The following KCNIP4 variants were observed in gnomAD, a reference collection of about 807,000 sequenced individuals.
KCNIP4 encodes potassium voltage-gated channel interacting protein 4.
KCNIP4 carries 12 observed loss-of-function variants against 34.0 expected under a neutral mutation model. The ratio of observed to expected loss-of-function variants is 0.35; its 90% confidence interval spans 0.23 to 0.57. The LOEUF (loss-of-function observed/expected upper bound fraction) is 0.57, where lower values mean the gene tolerates loss of function less well. Ranked by LOEUF, KCNIP4 falls within the 20% of genes least tolerant of loss-of-function variation. KCNIP4 has a pLI of 0.83. For missense variants in KCNIP4, 238 were observed against 311.7 expected (o/e 0.76, Z 1.78); for synonymous variants, 124 against 102.2 (o/e 1.21, Z -1.29).
At chr4:21,044,079 A>G (rs1742205306) in intron 1 of KCNIP4, among the ~76,000 whole-genome samples, 1 of 152,004 alleles carries the variant, frequency 6.6e-6, no homozygotes, top group Admixed American at 6.5e-5. Flanking sequence ...ACATTTTAGG[A>G]TTGGCCCCAC....
At chr4:21,065,433 A>T (rs1338934592) in intron 1 of KCNIP4, among the ~76,000 whole-genome samples, 2 of 152,000 alleles carry the variant, frequency 1.3e-5, no homozygotes, top group Non-Finnish European at 2.9e-5. Flanking sequence ...CTACTCCTAC[A>T]ATTGGTTTGA....
At chr4:20,945,832 T>G (rs1404813696) in intron 1 of KCNIP4, among the ~76,000 whole-genome samples, 1 of 152,202 alleles carries the variant, frequency 6.6e-6, no homozygotes, top group Non-Finnish European at 1.5e-5. Flanking sequence ...ATGTTCGATT[T>G]GGGGACATGA....
intron 1 of KCNIP4, among the ~76,000 whole-genome samples, chr4:20,953,018 A>G (rs757319901): frequency 6.6e-6 from 1 of 152,204 alleles, no homozygotes; most frequent in Non-Finnish European, 1.5e-5. Context: ...CTCATGACTT[A>G]GTCACTTCCC....
chr4:21,484,369 G>C (rs1731725183), intron 1 of KCNIP4, among the ~76,000 whole-genome samples: 1 of 152,070 alleles, frequency 6.6e-6, no homozygotes, highest in Non-Finnish European at 1.5e-5. Context: ...GGAGGTTGCA[G>C]TGAGGCGAGA....
chr4:21,016,240 T>C (rs1253378361), intron 1 of KCNIP4, among the ~76,000 whole-genome samples: 1 of 151,270 alleles, frequency 6.6e-6, no homozygotes, highest in Non-Finnish European at 1.5e-5. Flanking sequence ...AATATACCCT[T>C]TTATTTTTTA....
intron 1 of KCNIP4, among the ~76,000 whole-genome samples, chr4:21,596,846 T>C (rs1742688447): frequency 6.6e-6 from 1 of 151,876 alleles, no homozygotes; most frequent in Non-Finnish European, 1.5e-5. Context: ...GACCAAGATA[T>C]TTGTAAAGAA....
At chr4:21,581,424 C>CG (rs1314731752) in intron 1 of KCNIP4, among the ~76,000 whole-genome samples, 2 of 151,790 alleles carry the variant, frequency 1.3e-5, no homozygotes, top group Non-Finnish European at 2.9e-5. Context: ...CCACAATATT[C>CG]GGGGGGAGGT....
intron 1 of KCNIP4, among the ~76,000 whole-genome samples, chr4:21,315,961 C>CT (rs1713709250): frequency 6.6e-6 from 1 of 152,196 alleles, no homozygotes; most frequent in Admixed American, 6.5e-5. Context: ...TCCTGACCGA[C>CT]TGTGTTCACA....
chr4:21,550,436 A>T lies in KCNIP4; in HGVS notation c.61+398135T>A, dbSNP rs75395005. Among the ~76,000 whole-genome samples, 881 of 152,232 alleles carry T rather than the reference A, an allele frequency of 5.8e-3. 7 individuals are homozygous for T. Among genetic ancestry groups the T allele is most frequent in the South Asian group, 0.011 (54 of 4,824 alleles). On this transcript the variant is annotated intron_variant, in intron 1 of 8. Transcript: ENST00000382152. ...AACAAATTAGATTAGAGTGCCTGAG[A>T]ATATGCTAAATTCATAGCCTCATCG...
chr4:20,957,985 T>A (rs1281484765), intron 1 of KCNIP4, among the ~76,000 whole-genome samples: 1 of 152,232 alleles, frequency 6.6e-6, no homozygotes, highest in Non-Finnish European at 1.5e-5. Context: ...TAAGAGATAC[T>A]TGTGAAATGA....
At chr4:21,628,108 C>T (rs115964650) in intron 1 of KCNIP4, among the ~76,000 whole-genome samples, 7,614 of 152,096 alleles carry the variant, frequency 0.05, 260 homozygotes, top group Middle Eastern at 0.082. Context: ...GTAAGTATTG[C>T]TTACTTTACC....
At chr4:21,611,499 T>C (rs955179112) in intron 1 of KCNIP4, among the ~76,000 whole-genome samples, 1 of 152,148 alleles carries the variant, frequency 6.6e-6, no homozygotes, top group African/African-American at 2.4e-5. Context: ...GTATGAGATT[T>C]GGGTGGGGAC....
intron 1 of KCNIP4, among the ~76,000 whole-genome samples, chr4:21,947,160 A>C (rs1458360349): frequency 6.6e-6 from 1 of 152,208 alleles, no homozygotes; most frequent in Non-Finnish European, 1.5e-5. Flanking sequence ...TTTATTCTAA[A>C]GAACTGCAAA....
intron 1 of KCNIP4, among the ~76,000 whole-genome samples, chr4:21,403,369 C>T (rs1723698552): frequency 6.6e-6 from 1 of 152,168 alleles, no homozygotes; most frequent in South Asian, 2.1e-4. Context: ...ATGTCACCAT[C>T]TTCTCACTTC....
chr4:20,737,909 GTTGT>G (rs1750040682), intron 5 of KCNIP4, among the ~76,000 whole-genome samples: 2 of 152,112 alleles, frequency 1.3e-5, no homozygotes, highest in African/African-American at 2.4e-5. Context: ...AGGTGGGAAG[GTTGT>G]TTGAGTCCAA....
chr4:21,280,103 T>C (rs1401234399), intron 1 of KCNIP4, among the ~76,000 whole-genome samples: 2 of 152,200 alleles, frequency 1.3e-5, no homozygotes, highest in Non-Finnish European at 2.9e-5. Context: ...GAATATACAG[T>C]CTACATTTAT....
intron 5 of KCNIP4, among the ~76,000 whole-genome samples, chr4:20,747,910 A>T (rs1275773863): frequency 6.6e-6 from 1 of 152,178 alleles, no homozygotes; most frequent in Non-Finnish European, 1.5e-5. Context: ...GCCTACGCCC[A>T]TATGAACTTT....
At chr4:21,156,438 T>C (rs1013067195) in intron 1 of KCNIP4, among the ~76,000 whole-genome samples, 2 of 152,150 alleles carry the variant, frequency 1.3e-5, no homozygotes, top group Non-Finnish European at 2.9e-5. Flanking sequence ...AACAATTATT[T>C]GGAGACACCC....
At chr4:21,850,261 G>A (rs920977458) in intron 1 of KCNIP4, 1 of 152,084 alleles carries the variant, frequency 6.6e-6, no homozygotes, top group Admixed American at 6.6e-5. Flanking sequence ...GCAACTGAGA[G>A]ACACTAATGA....
Sources: gnomAD v4.1 joint callset for allele counts (sites outside exome capture counted in the v4.1 genomes callset) on GRCh38, gnomAD v4.1.1 for gene constraint, MANE v1.5 for transcripts, NCBI Gene and HGNC (gene_info 2026-07-23, HGNC 2026-07-21) for gene names.